HS6ST3: variants seen among roughly 807,000 people sequenced by gnomAD.
HS6ST3 encodes the protein heparan sulfate 6-O-sulfotransferase 3.
In HS6ST3, 12 loss-of-function variants were observed where a neutral mutation model predicts 36.7. The ratio of observed to expected loss-of-function variants is 0.33; its 90% CI spans 0.21 to 0.53. HS6ST3 has a LOEUF of 0.53. Among genes scored for constraint, HS6ST3 ranks in the 20% least tolerant of loss-of-function variants. The probability of loss-of-function intolerance (pLI) is 0.95; values close to 1 mark genes in which losing one functional copy is unlikely to be tolerated. For missense variants in HS6ST3, 584 were observed against 640.9 expected (o/e 0.91, Z 0.96); for synonymous variants, 240 against 257.5 (o/e 0.93, Z 0.65).
chr13:96,169,283 AG>A (rs1466102732), intron 1 of HS6ST3, among the ~76,000 whole-genome samples: 9 of 150,478 alleles, frequency 6.0e-5, no homozygotes, highest in African/African-American at 2.2e-4. Flanking sequence ...ATTCTGGATT[AG>A]AGTGAGGCAA....
intron 1 of HS6ST3, among the ~76,000 whole-genome samples, chr13:96,490,098 T>G (rs2055937285): frequency 6.6e-6 from 1 of 152,182 alleles, no homozygotes; most frequent in Non-Finnish European, 1.5e-5. Flanking sequence ...TCCTGAGAGT[T>G]AGTTCTTTCA....
At chr13:96,113,380 G>T (rs1016643731) in intron 1 of HS6ST3, among the ~76,000 whole-genome samples, 2 of 152,130 alleles carry the variant, frequency 1.3e-5, no homozygotes, top group African/African-American at 4.8e-5. Context: ...CAGATTGACA[G>T]AGTATGACAG....
intron 1 of HS6ST3, among the ~76,000 whole-genome samples, chr13:96,361,233 AG>A (rs1457864276): frequency 5.3e-5 from 8 of 152,182 alleles, no homozygotes; most frequent in Non-Finnish European, 2.9e-5. Context: ...CCAGGCTAAC[AG>A]TAACTGACAT....
chr13:96,756,376 C>G (rs1876831826), intron 1 of HS6ST3, among the ~76,000 whole-genome samples: 1 of 152,002 alleles, frequency 6.6e-6, no homozygotes, highest in Admixed American at 6.6e-5. Flanking sequence ...TGAAATTGAA[C>G]TTATTTTCTT....
intron 1 of HS6ST3, among the ~76,000 whole-genome samples, chr13:96,717,662 T>A (rs1875735928): frequency 6.6e-6 from 1 of 152,182 alleles, no homozygotes; most frequent in South Asian, 2.1e-4. Flanking sequence ...CACAACTCCA[T>A]GAGGGAGGCC....
Position 96,615,244 on chromosome 13 carries a change from T to G in HS6ST3, c.708-217246T>G, listed in dbSNP as rs180860515. Among the ~76,000 whole-genome samples the G allele has an allele frequency of 3.4e-4, 52 of 152,344 alleles. 1 individual carries two copies. Among genetic ancestry groups the G allele is most frequent in the Middle Eastern group, 3.4e-3 (1 of 294 alleles). ...AAAAGTTTACTTTACCTGTATTGCT[T>G]CAGTTGACTGACCCTAGCAATAGTT... On this transcript the variant is annotated intron_variant, in intron 1 of 1. Transcript: ENST00000376705.
chr13:96,246,366 GTGAACTTTT>G (rs2054585059), intron 1 of HS6ST3, among the ~76,000 whole-genome samples: 10 of 152,130 alleles, frequency 6.6e-5, no homozygotes, highest in Admixed American at 5.2e-4. Context: ...AGCTATCAAG[GTGAACTTTT>G]TGATGCTAAT....
rs556521860 is a variant in HS6ST3, at chr13:96,643,035, T to G, written c.708-189455T>G. 2.6e-5 allele frequency among the ~76,000 whole-genome samples: 4 copies of G among 152,114 alleles called. No homozygotes were observed. In the South Asian group the frequency reaches 8.3e-4, roughly 31 times the overall value. ...TAATGTGGCAACACTGGAAATCAGA[T>G]TCTACTCACTCCCCAAGATTTGTTG... On this transcript the variant is annotated intron_variant, in intron 1 of 1. Transcript: ENST00000376705.
At position 96,100,473 on chromosome 13, in the gene HS6ST3, A is replaced by G. The variant is rs181713904; in HGVS notation, c.707+8904A>G. On this transcript the variant is annotated intron_variant, in intron 1 of 1. Coordinates refer to ENST00000376705, the MANE Select transcript of HS6ST3 (RefSeq NM_153456.4). ...AACCAGTGACAAGAGGAAACTGTTA[A>G]CCCCATTGGATGTGAAGAGGCAAAA... Among the ~76,000 whole-genome samples the G allele has an allele frequency of 5.5e-4, 84 of 152,294 alleles. No homozygotes were observed. In the East Asian group the frequency reaches 6.0e-3, roughly 11 times the overall value.
chr13:96,448,443 C>T (rs2055710047), intron 1 of HS6ST3, among the ~76,000 whole-genome samples: 2 of 152,168 alleles, frequency 1.3e-5, no homozygotes, highest in East Asian at 3.9e-4. Flanking sequence ...ACCGCATGCT[C>T]ATCTCAGTCT....
chr13:96,520,108 A>C (rs1594798783), intron 1 of HS6ST3, among the ~76,000 whole-genome samples: 1 of 152,330 alleles, frequency 6.6e-6, no homozygotes, highest in South Asian at 2.1e-4. Context: ...CCGTTTATTA[A>C]ACAGGGAATC....
intron 1 of HS6ST3, among the ~76,000 whole-genome samples, chr13:96,145,962 G>T (rs559377996): frequency 1.3e-5 from 2 of 152,212 alleles, no homozygotes; most frequent in East Asian, 1.9e-4. Context: ...TCAGATAGTT[G>T]TAGATACGTG....
chr13:96,667,100 A>T (rs2056666566), intron 1 of HS6ST3, among the ~76,000 whole-genome samples: 1 of 152,208 alleles, frequency 6.6e-6, no homozygotes, highest in Non-Finnish European at 1.5e-5. Flanking sequence ...TAGTATGACT[A>T]CAGATTATAC....
At chr13:96,142,135 G>A (rs747583383) in intron 1 of HS6ST3, among the ~76,000 whole-genome samples, 1 of 150,096 alleles carries the variant, frequency 6.7e-6, no homozygotes, top group Non-Finnish European at 1.5e-5. Flanking sequence ...AATATATTTT[G>A]AGCCTGAAGA....
intron 1 of HS6ST3, among the ~76,000 whole-genome samples, chr13:96,355,723 G>T (rs867041530): frequency 2.2e-4 from 34 of 152,142 alleles, no homozygotes; most frequent in Middle Eastern, 3.2e-3. Flanking sequence ...CAGGGTGGTG[G>T]TTACTGAAGG....
chr13:96,332,170 C>G (rs904145775), intron 1 of HS6ST3, among the ~76,000 whole-genome samples: 3 of 152,208 alleles, frequency 2.0e-5, no homozygotes, highest in Non-Finnish European at 4.4e-5. Context: ...GAGCTGTAGA[C>G]CAGAGCTGTT....
intron 1 of HS6ST3, among the ~76,000 whole-genome samples, chr13:96,254,769 C>T (rs953775651): frequency 4.0e-5 from 6 of 151,866 alleles, no homozygotes; most frequent in African/African-American, 1.5e-4. Context: ...TCTAGCTTAG[C>T]AAAACCAAAG....
intron 1 of HS6ST3, among the ~76,000 whole-genome samples, chr13:96,346,576 A>G (rs2055156428): frequency 7.7e-6 from 1 of 130,520 alleles, no homozygotes; most frequent in South Asian, 2.4e-4. Context: ...CCGTCTCAAA[A>G]AAAAAATAAT....
chr13:96,349,091 C>T (rs2055169412), intron 1 of HS6ST3, among the ~76,000 whole-genome samples: 1 of 152,138 alleles, frequency 6.6e-6, no homozygotes, highest in South Asian at 2.1e-4. Context: ...TTGTAAACCT[C>T]AATGAAAGAT....
Sources: allele counts gnomAD v4.1 joint callset (sites outside exome capture counted in the v4.1 genomes callset), GRCh38; gene constraint gnomAD v4.1.1; transcripts MANE v1.5; gene names NCBI Gene and HGNC (gene_info 2026-07-23, HGNC 2026-07-21).